The following MEGF10 variants were observed in gnomAD, a reference collection of about 807,000 sequenced individuals.
The protein encoded by MEGF10 is multiple EGF like domains 10.
MEGF10 carries 86 observed loss-of-function variants against 147.5 expected under a neutral mutation model. That is an observed-to-expected ratio of 0.58 (90% CI 0.49 to 0.70). MEGF10 has a LOEUF of 0.70. Ranked by LOEUF, MEGF10 falls within the 30% of genes least tolerant of loss-of-function variation. MEGF10 has a pLI of 0.00. For missense variants in MEGF10, 1,329 were observed against 1,487.3 expected (o/e 0.89, Z 1.75); for synonymous variants, 478 against 525.5 (o/e 0.91, Z 1.24).
Position 127,433,529 on chromosome 5 carries a change from G to A in MEGF10, c.1840+20G>A, listed in dbSNP as rs375740678. ...AGAGGAGTAAGTGTCTCATTAGGCA[G>A]TAATTTCCACCTTCCCTTCCCTGGG... On this transcript the variant is annotated intron_variant, in intron 14 of 24. Transcript: ENST00000503335. The A allele has an allele frequency of 8.2e-5, 129 of 1,573,634 alleles. No homozygotes were observed. Among genetic ancestry groups the A allele is most frequent in the South Asian group, 1.2e-4 (10 of 84,118 alleles).
At chr5:127,301,091 G>A (rs910358299) in intron 1 of MEGF10, among the ~76,000 whole-genome samples, 8 of 152,060 alleles carry the variant, frequency 5.3e-5, no homozygotes, top group East Asian at 1.9e-4. Context: ...GTTTCCCTCC[G>A]ATTTCTCTAA....
chr5:127,250,925 C>A, the MEGF10 span, among the ~76,000 whole-genome samples: 7 of 151,678 alleles, frequency 4.6e-5, no homozygotes, highest in Non-Finnish European at 8.8e-5. Context: ...ATAAAAAACC[C>A]TAACAGTTGT....
intron 18 of MEGF10, among the ~76,000 whole-genome samples, chr5:127,441,439 C>T (rs1467211781): frequency 6.6e-6 from 1 of 152,142 alleles, no homozygotes; most frequent in African/African-American, 2.4e-5. Flanking sequence ...TGTTTAAGTC[C>T]CACTGGGGGA....
intron 4 of MEGF10, among the ~76,000 whole-genome samples, chr5:127,362,610 C>T (rs1463469434): frequency 3.3e-5 from 5 of 152,034 alleles, no homozygotes; most frequent in African/African-American, 7.2e-5. Context: ...GTGATCCGCC[C>T]GCCTCAGCCT....
intron 22 of MEGF10, among the ~76,000 whole-genome samples, chr5:127,451,645 C>T (rs1766158996): frequency 6.6e-6 from 1 of 152,158 alleles, no homozygotes; most frequent in African/African-American, 2.4e-5. Context: ...GTGAAGACTC[C>T]AGAAGATACG....
chr5:127,332,202 G>A (rs1003568102), intron 2 of MEGF10, among the ~76,000 whole-genome samples: 7 of 152,168 alleles, frequency 4.6e-5, no homozygotes, highest in Middle Eastern at 3.2e-3. Context: ...CCCATCCAGC[G>A]ATATTGCAGT....
intron 17 of MEGF10, among the ~76,000 whole-genome samples, chr5:127,440,044 T>C (rs1376012347): frequency 6.6e-6 from 1 of 152,218 alleles, no homozygotes; most frequent in African/African-American, 2.4e-5. Flanking sequence ...GAATCTTTCA[T>C]CACGCCAGAG....
chr5:127,349,054 A>G (rs1220766628), intron 4 of MEGF10, among the ~76,000 whole-genome samples: 1 of 152,186 alleles, frequency 6.6e-6, no homozygotes, highest in Admixed American at 6.6e-5. Flanking sequence ...AAACTTTAAA[A>G]TAACATTTTA....
At chr5:127,310,035 C>CTTCTTTCT (rs1204234147) in intron 1 of MEGF10, among the ~76,000 whole-genome samples, 2 of 22,932 alleles carry the variant, frequency 8.7e-5, no homozygotes, top group South Asian at 1.2e-3. Flanking sequence ...TCTTTCTTTC[C>CTTCTTTCT]TTCTTTCTTT....
At chr5:127,422,558 C>A (rs1006414169) in intron 12 of MEGF10, 112 bp from the exon 13 acceptor site, 26 of 732,656 alleles carry the variant, frequency 3.5e-5, no homozygotes, top group Non-Finnish European at 5.7e-5. Context: ...CTGTAAGAAG[C>A]GTTTGGGACA....
chr5:127,236,857 T>C, the MEGF10 span, among the ~76,000 whole-genome samples: 2 of 152,254 alleles, frequency 1.3e-5, no homozygotes, highest in South Asian at 4.1e-4. Context: ...TAATCAAGAT[T>C]AGAACAGTCT....
chr5:127,350,956 A>C (rs570932526), intron 4 of MEGF10, among the ~76,000 whole-genome samples: 106 of 146,620 alleles, frequency 7.2e-4, no homozygotes, highest in African/African-American at 2.5e-3. Flanking sequence ...AATTATACTC[A>C]TGGGGGTAGA....
chr5:127,321,997 G>A (rs140904278), intron 1 of MEGF10, among the ~76,000 whole-genome samples: 90 of 151,436 alleles, frequency 5.9e-4, no homozygotes, highest in African/African-American at 2.2e-3. Context: ...TGTTATGATT[G>A]GATTTTTTCC....
At chr5:127,427,572 C>T (rs556908936) in intron 13 of MEGF10, among the ~76,000 whole-genome samples, 12 of 152,048 alleles carry the variant, frequency 7.9e-5, no homozygotes, top group South Asian at 6.2e-4. Flanking sequence ...CCCACTTCTC[C>T]GCTCTTCCCA....
At chr5:127,381,728 T>A (rs2126886185) in intron 5 of MEGF10, among the ~76,000 whole-genome samples, 1 of 152,362 alleles carries the variant, frequency 6.6e-6, no homozygotes, top group South Asian at 2.1e-4. Flanking sequence ...TGGAGTGCAG[T>A]GGCGTGATCT....
the MEGF10 span, among the ~76,000 whole-genome samples, chr5:127,249,565 T>C: frequency 6.6e-6 from 1 of 152,046 alleles, no homozygotes; most frequent in African/African-American, 2.4e-5. Context: ...TTACATTGAA[T>C]GTAAATGTAC....
chr5:127,440,498 G>T (rs1251413382), intron 17 of MEGF10, among the ~76,000 whole-genome samples: 5 of 152,160 alleles, frequency 3.3e-5, no homozygotes, highest in African/African-American at 1.2e-4. Context: ...TACCAGTGAT[G>T]GTTACACTGA....
chr5:127,412,473 A>G (rs1032555417), intron 9 of MEGF10, among the ~76,000 whole-genome samples: 1 of 152,196 alleles, frequency 6.6e-6, no homozygotes, highest in Non-Finnish European at 1.5e-5. Flanking sequence ...TCACATTAGC[A>G]TTTATCAAGC....
At chr5:127,395,485 T>A (rs1195188626) in intron 5 of MEGF10, among the ~76,000 whole-genome samples, 1 of 152,010 alleles carries the variant, frequency 6.6e-6, no homozygotes, top group Non-Finnish European at 1.5e-5. Flanking sequence ...TGCCCTTTTT[T>A]TTGGTCAGTA....
Sources: gnomAD v4.1 joint callset for allele counts (sites outside exome capture counted in the v4.1 genomes callset) on GRCh38, gnomAD v4.1.1 for gene constraint, MANE v1.5 for transcripts, NCBI Gene and HGNC (gene_info 2026-07-23, HGNC 2026-07-21) for gene names.